The following PDSS2 variants were observed in gnomAD, a reference collection of about 807,000 sequenced individuals.
The protein encoded by PDSS2 is decaprenyl diphosphate synthase subunit 2.
In PDSS2, 31 loss-of-function variants were observed where a neutral mutation model predicts 44.5. The ratio of observed to expected loss-of-function variants is 0.70; its 90% CI spans 0.52 to 0.94. The LOEUF is 0.94. Among genes scored for constraint, PDSS2 ranks in the 40% least tolerant of loss-of-function variants. The pLI is 0.00. For missense variants in PDSS2, 452 were observed against 482.2 expected (o/e 0.94, Z 0.59); for synonymous variants, 157 against 180.3 (o/e 0.87, Z 1.03).
At chr6:107,212,478 TA>T (rs1271326195) in intron 4 of PDSS2, among the ~76,000 whole-genome samples, 196 bp from the exon 5 acceptor site, 1 of 152,112 alleles carries the variant, frequency 6.6e-6, no homozygotes, top group African/African-American at 2.4e-5. Context: ...TTTATGGTAA[TA>T]GGGGGAAAGT....
intron 5 of PDSS2, 111 bp from the exon 6 acceptor site, chr6:107,210,681 G>T (rs939269969): frequency 2.7e-6 from 2 of 744,688 alleles, no homozygotes; most frequent in African/African-American, 3.5e-5. Context: ...CTTAAGGAAT[G>T]CAGTTTTTAG....
chr6:107,230,202 C>T (rs1004728633), intron 4 of PDSS2: 4 of 145,938 alleles, frequency 2.7e-5, no homozygotes, highest in South Asian at 2.3e-4. Flanking sequence ...TCACCACAAA[C>T]GACAAAACTG....
intron 2 of PDSS2, among the ~76,000 whole-genome samples, chr6:107,327,918 A>G (rs1380859247): frequency 1.3e-5 from 2 of 152,256 alleles, no homozygotes; most frequent in Non-Finnish European, 2.9e-5. Flanking sequence ...CCTTTAAGTC[A>G]TCGTCCATGT....
chr6:107,330,082 G>A (rs1777666631), intron 2 of PDSS2, among the ~76,000 whole-genome samples: 1 of 151,844 alleles, frequency 6.6e-6, no homozygotes, highest in African/African-American at 2.4e-5. Context: ...TTAACAAATA[G>A]ATTTTTCTTC....
At chr6:107,288,673 G>T (rs1425433752) in intron 2 of PDSS2, among the ~76,000 whole-genome samples, 1 of 150,964 alleles carries the variant, frequency 6.6e-6, no homozygotes, top group Non-Finnish European at 1.5e-5. Context: ...AAAAGAGCAA[G>T]CAACGAGTTT....
At chr6:107,430,670 G>A (rs1211772285) in intron 1 of PDSS2, among the ~76,000 whole-genome samples, 2 of 151,864 alleles carry the variant, frequency 1.3e-5, no homozygotes, top group Non-Finnish European at 2.9e-5. Context: ...TTAGCCAAGC[G>A]TGGTAGTGGG....
chr6:107,347,003 G>A (rs185854703), intron 1 of PDSS2, among the ~76,000 whole-genome samples: 1 of 152,276 alleles, frequency 6.6e-6, no homozygotes, highest in Admixed American at 6.5e-5. Context: ...GAAGCCCTGA[G>A]TAGCCCCCAT....
chr6:107,208,625 T>TTG (rs1773090113), intron 6 of PDSS2, among the ~76,000 whole-genome samples: 2 of 146,466 alleles, frequency 1.4e-5, no homozygotes, highest in African/African-American at 2.5e-5. Flanking sequence ...TTTTTTTTTT[T>TTG]GGGGACGGAG....
intron 1 of PDSS2, among the ~76,000 whole-genome samples, chr6:107,344,453 G>A (rs1407274274): frequency 6.6e-6 from 1 of 152,142 alleles, no homozygotes; most frequent in African/African-American, 2.4e-5. Flanking sequence ...TTTAGGGCCT[G>A]AGGTGACCAG....
intron 6 of PDSS2, among the ~76,000 whole-genome samples, chr6:107,204,978 T>C (rs1772921897): frequency 6.6e-6 from 1 of 152,250 alleles, no homozygotes; most frequent in Non-Finnish European, 1.5e-5. Context: ...CTACATTGTA[T>C]ACCTTCTATG....
intron 1 of PDSS2, among the ~76,000 whole-genome samples, chr6:107,431,897 G>A (rs1336988552): frequency 1.3e-5 from 2 of 152,208 alleles, no homozygotes; most frequent in East Asian, 3.8e-4. Flanking sequence ...AAGGAATTCT[G>A]TAGTTCACAT....
rs1777809058 is a variant in PDSS2, at chr6:107,334,357, G to A, written c.297-25C>T. On this transcript the variant is annotated intron_variant, in intron 1 of 7. Coordinates refer to ENST00000369037, the MANE Select transcript of PDSS2 (RefSeq NM_020381.4). ...CCTGCCAACAAGCAAAGAAGGAAGA[G>A]GATTAATATACCCTCACGAGATCAT... The A allele has an allele frequency of 1.9e-6, 3 of 1,609,254 alleles. No homozygotes were observed. In the East Asian group the frequency reaches 6.7e-5, roughly 36 times the overall value.
At chr6:107,453,794 G>A (rs1010535657) in intron 1 of PDSS2, among the ~76,000 whole-genome samples, 12 of 151,834 alleles carry the variant, frequency 7.9e-5, no homozygotes, top group Admixed American at 5.9e-4. Flanking sequence ...GAGAAGAAAG[G>A]GGAAAAAAGA....
chr6:107,258,179 A>G (rs1043870518), intron 3 of PDSS2, among the ~76,000 whole-genome samples: 1 of 152,198 alleles, frequency 6.6e-6, no homozygotes, highest in African/African-American at 2.4e-5. Flanking sequence ...TGAGTTTACC[A>G]ATTTGGGGTA....
At chr6:107,236,631 T>C (rs1175106903) in intron 4 of PDSS2, among the ~76,000 whole-genome samples, 1 of 152,206 alleles carries the variant, frequency 6.6e-6, no homozygotes, top group Non-Finnish European at 1.5e-5. Context: ...GTTCCTTTAC[T>C]TCTATGTGAA....
chr6:107,347,889 A>G (rs1047025180), intron 1 of PDSS2, among the ~76,000 whole-genome samples: 10 of 152,180 alleles, frequency 6.6e-5, no homozygotes, highest in African/African-American at 2.4e-4. Flanking sequence ...GTAAAGGACA[A>G]CACTATAGCT....
chr6:107,280,423 G>C (rs1472801727), intron 2 of PDSS2, among the ~76,000 whole-genome samples: 1 of 152,140 alleles, frequency 6.6e-6, no homozygotes, highest in Non-Finnish European at 1.5e-5. Context: ...TAAGTAATCA[G>C]AGTAAGAAAG....
At chr6:107,444,231 G>A (rs925176701) in intron 1 of PDSS2, among the ~76,000 whole-genome samples, 2 of 152,008 alleles carry the variant, frequency 1.3e-5, no homozygotes, top group Non-Finnish European at 2.9e-5. Context: ...GGATCCCACT[G>A]TGTTGCCCAG....
chr6:107,206,138 C>A (rs1043061810), intron 6 of PDSS2, among the ~76,000 whole-genome samples: 2 of 152,294 alleles, frequency 1.3e-5, no homozygotes, highest in Admixed American at 1.3e-4. Flanking sequence ...CTGGTGCGAT[C>A]TTGGCTCACT....
Sources: gnomAD v4.1 joint callset for allele counts (sites outside exome capture counted in the v4.1 genomes callset) on GRCh38, gnomAD v4.1.1 for gene constraint, MANE v1.5 for transcripts, NCBI Gene and HGNC (gene_info 2026-07-23, HGNC 2026-07-21) for gene names.